Variants in DPP9 observed in about 807,000 individuals in gnomAD.
DPP9 encodes dipeptidyl peptidase IV-related protein-2.
DPP9 carries 50 observed loss-of-function variants against 110.7 expected under a neutral mutation model. The observed-to-expected ratio is 0.45, with a 90% CI of 0.36 to 0.57. DPP9 has a LOEUF of 0.57. DPP9 is among the 20% of genes least tolerant of loss of function. DPP9 has a pLI of 0.00. For synonymous variants in DPP9, 561 were observed against 514.4 expected (o/e 1.09, Z -1.23); for missense variants, 1,022 against 1,217.9 (o/e 0.84, Z 2.39).
intron 3 of DPP9, among the ~76,000 whole-genome samples, chr19:4,717,426 T>C (rs903448360): frequency 1.3e-5 from 2 of 151,846 alleles, no homozygotes; most frequent in African/African-American, 4.8e-5. Context: ...CCCGGGGAGC[T>C]CCTCTGAGCG....
rs2088815644 is a variant in DPP9 at position 4,676,192 on chromosome 19, GGC to G, written c.*370_*371del. The G allele has an allele frequency of 4.2e-6, 1 of 236,120 alleles. No homozygotes were observed. Among genetic ancestry groups the G allele is most frequent in the Non-Finnish European group, 8.3e-6 (1 of 120,552 alleles). 14.6% of individuals were successfully genotyped at this position (236,120 alleles called of 1,614,324 possible). On this transcript the variant is annotated 3_prime_UTR_variant, in exon 22 of 22. Coordinates refer to ENST00000262960, the MANE Select transcript of DPP9 (RefSeq NM_139159.5). This position sits in a 1 kb window ranked among gnomAD's most constrained non-coding sequence, Gnocchi z 4.0. ...GGGTGCTGGGGACGGTGGCTGGCCG[GGC>G]CAGGGGACTGAGAGGTCACAGGGAG... is the stretch of plus-strand genomic sequence containing the variant.
chr19:4,678,384 GT>G (rs1273857353), intron 21 of DPP9, among the ~76,000 whole-genome samples: 1 of 152,042 alleles, frequency 6.6e-6, no homozygotes, highest in Non-Finnish European at 1.5e-5. Flanking sequence ...AAGTGCTGGG[GT>G]TACAGGCGTG....
intron 18 of DPP9, 163 bp from the exon 19 acceptor site, chr19:4,683,792 G>T: frequency 6.5e-7 from 1 of 1,545,252 alleles, no homozygotes; most frequent in Non-Finnish European, 8.7e-7. Flanking sequence ...CCTGCTATCT[G>T]GGGATGGCTG....
chr19:4,721,099 G>T (rs1479354651), intron 2 of DPP9, among the ~76,000 whole-genome samples: 1 of 152,202 alleles, frequency 6.6e-6, no homozygotes, highest in East Asian at 1.9e-4. Context: ...TGACGACTGG[G>T]ACGGTGAGGG....
In DPP9 at chr19:4,675,801, CG is replaced by C; in HGVS notation, c.*762del. 1 of 152,348 alleles carries C rather than the reference CG, an allele frequency of 6.6e-6. No individual in the cohort carries two copies. Among genetic ancestry groups the C allele is most frequent in the African/African-American group, 2.4e-5 (1 of 41,450 alleles). 9.4% of individuals were successfully genotyped at this position (152,348 alleles called of 1,614,324 possible). A position where few individuals can be genotyped will look rare whatever the true frequency, so the allele number is the denominator to read the frequency against. On this transcript the variant is annotated 3_prime_UTR_variant, in exon 22 of 22. Coordinates refer to ENST00000262960, the MANE Select transcript of DPP9 (RefSeq NM_139159.5). The stretch of plus-strand genomic sequence containing the variant: ...TTTTATTTATTTTGAGACAGAGTTT[CG>C]CTCTTGTTGCCCAGGCTGGAGTGCA...
intron 3 of DPP9, 131 bp from the exon 4 acceptor site, chr19:4,714,468 A>T: frequency 1.6e-6 from 2 of 1,218,828 alleles, no homozygotes; most frequent in Non-Finnish European, 2.2e-6. Flanking sequence ...CCACTCCCTA[A>T]ACACTTCTTG....
Position 4,685,285 on chromosome 19 carries a change from T to G in DPP9, c.2031+341A>C. 1 of 544,504 alleles carries G rather than the reference T, an allele frequency of 1.8e-6. No homozygotes were observed. The highest frequency in any genetic ancestry group is 4.5e-5 in the East Asian group (1 of 22,000). The allele number at this position is 544,504 out of a possible 1,614,324, so 33.7% of individuals were successfully genotyped here. On this transcript the variant is annotated intron_variant, in intron 17 of 21. Coordinates refer to ENST00000262960, the MANE Select transcript of DPP9 (RefSeq NM_139159.5). The surrounding 1 kb of genome is among the most constrained non-coding windows in gnomAD (Gnocchi z 5.8). ...TCCAACTGCCAATCTGCTGCCTGCTTTTGACCCCTGCTCCAGGAATTGGGC... is the reference window on the plus strand; with the variant it reads ...TCCAACTGCCAATCTGCTGCCTGCTGTTGACCCCTGCTCCAGGAATTGGGC...
intron 4 of DPP9, among the ~76,000 whole-genome samples, chr19:4,713,020 AC>A (rs967478663): frequency 6.6e-6 from 1 of 152,046 alleles, no homozygotes; most frequent in African/African-American, 2.4e-5. Context: ...TCCCAGCGCC[AC>A]CCCACCCCCA....
chr19:4,691,468 C>T (rs954158602), intron 13 of DPP9, among the ~76,000 whole-genome samples: 4 of 147,506 alleles, frequency 2.7e-5, no homozygotes, highest in South Asian at 2.1e-4. Context: ...AACAAGAACC[C>T]GTCTCAAAAA....
At chr19:4,688,619 C>G in intron 16 of DPP9, 138 bp downstream of exon 16, 1 of 1,127,010 alleles carries the variant, frequency 8.9e-7, no homozygotes, top group Non-Finnish European at 1.2e-6. Context: ...TTCCCAGATG[C>G]TTGGAGGGGC....
chr19:4,690,973 G>A lies in DPP9; in HGVS notation c.1517-16C>T, dbSNP rs2145533394. On this transcript the variant is annotated splice_polypyrimidine_tract_variant and intron_variant, in intron 13 of 21. Coordinates refer to ENST00000262960, the MANE Select transcript of DPP9 (RefSeq NM_139159.5). ...TTAAATTCATCTGGAAAGAAAGAAA[G>A]AAGGGAGGTGAAGGGGCCTGGGAGG... 1 of 1,595,766 alleles carries A rather than the reference G, an allele frequency of 6.3e-7. No homozygotes were observed. Among genetic ancestry groups the A allele is most frequent in the East Asian group, 2.2e-5 (1 of 44,620 alleles).
At chr19:4,683,965 G>T in intron 18 of DPP9, 1 of 626,686 alleles carries the variant, frequency 1.6e-6, no homozygotes, top group Non-Finnish European at 2.5e-6. Flanking sequence ...CGGGTGCCCA[G>T]GCATGTGCAA....
rs78353785 is a variant in DPP9 at position 4,713,234 on chromosome 19, C to T, written c.313+847G>A. The stretch of plus-strand genomic sequence containing the variant: ...GCCTTTGGTCCCCAGCCATGTGTCA[C>T]GCTGCTTTCAAAGACACAGGCCTGG... On this transcript the variant is annotated intron_variant, in intron 4 of 21. Transcript: ENST00000262960. Among the ~76,000 whole-genome samples the T allele has an allele frequency of 6.7e-3, 1,028 of 152,332 alleles. 6 individuals are homozygous for T. The highest frequency in any genetic ancestry group is 0.01 in the Non-Finnish European group (682 of 68,034).
intron 19 of DPP9, chr19:4,683,053 C>T (rs905300124): frequency 1.3e-5 from 20 of 1,502,724 alleles, no homozygotes; most frequent in Middle Eastern, 2.3e-4. Context: ...CGGGCAGGTG[C>T]GGCCCCTCCC....
At chr19:4,713,936 G>A in intron 4 of DPP9, 145 bp downstream of exon 4, 1 of 1,316,546 alleles carries the variant, frequency 7.6e-7, no homozygotes, top group Non-Finnish European at 1.0e-6. Flanking sequence ...GCTGTCTGTG[G>A]CTGAGCCTCG....
At position 4,695,580 on chromosome 19, in the gene DPP9, A is replaced by ATGCGGGGGAAGT. The variant is rs1396366956; in HGVS notation, c.1176-26_1176-25insACTTCCCCCGCA. The stretch of plus-strand genomic sequence containing the variant: ...GCTAAGGGGGAAGATGCGGGGGAAG[A>ATGCGGGGGAAGT]TGAGAGGGAAGCTGGGAGCCTCAGT... On this transcript the variant is annotated intron_variant, in intron 11 of 21. Transcript: ENST00000262960. The surrounding 1 kb of genome is among the most constrained non-coding windows in gnomAD (Gnocchi z 4.7). 1.4e-6 allele frequency: 2 copies of ATGCGGGGGAAGT among 1,447,458 alleles called. No homozygotes were observed. The highest frequency in any genetic ancestry group is 2.9e-5 in the South Asian group (2 of 67,832). 89.7% of individuals were successfully genotyped at this position (1,447,458 alleles called of 1,614,324 possible).
chr19:4,705,140 G>C (rs554123766), intron 5 of DPP9, among the ~76,000 whole-genome samples: 1 of 152,174 alleles, frequency 6.6e-6, no homozygotes, highest in African/African-American at 2.4e-5. Context: ...GGAGTGTCAC[G>C]ATCTCAGCCA....
At position 4,694,562 on chromosome 19, in the gene DPP9, G is replaced by A. The variant is rs1187985385; in HGVS notation, c.1516+99C>T. 1 of 1,435,970 alleles carries A rather than the reference G, an allele frequency of 7.0e-7. No homozygotes were observed. Among genetic ancestry groups the A allele is most frequent in the African/African-American group, 1.4e-5 (1 of 70,518 alleles). The allele number at this position is 1,435,970 out of a possible 1,614,324, so 89.0% of individuals were successfully genotyped here. ...ATCCCTGTTCCTTCTCCCGCAGGGT[G>A]TGCTGGCTGAGTGGGGGGGCCGACC... On this transcript the variant is annotated intron_variant, in intron 13 of 21. Transcript: ENST00000262960. This position sits in a 1 kb window ranked among gnomAD's most constrained non-coding sequence, Gnocchi z 4.0.
chr19:4,686,623 G>A (rs909979382), intron 16 of DPP9, among the ~76,000 whole-genome samples: 2 of 152,018 alleles, frequency 1.3e-5, no homozygotes, highest in African/African-American at 2.4e-5. Context: ...CCCAGCCATC[G>A]AACTCCTGAC....
Sources: gnomAD v4.1 joint callset for allele counts (sites outside exome capture counted in the v4.1 genomes callset) on GRCh38, gnomAD v4.1.1 for gene constraint, Gnocchi (gnomAD v3.1) non-coding constraint, MANE v1.5 for transcripts, NCBI Gene and HGNC (gene_info 2026-07-23, HGNC 2026-07-21) for gene names.